The following TICAM2 variants were observed in gnomAD, a reference collection of about 807,000 sequenced individuals.
The protein encoded by TICAM2 is TIR domain containing adaptor molecule 2.
In TICAM2, 8 loss-of-function variants were observed where a neutral mutation model predicts 7.3. The ratio of observed to expected loss-of-function variants is 1.10; its 90% CI spans 0.65 to 1.99. The LOEUF is 1.99. Ranked by LOEUF, TICAM2 falls within the 30% of genes most tolerant of loss-of-function variation. TICAM2 has a pLI of 0.00. For missense variants in TICAM2, 304 were observed against 278.8 expected (o/e 1.09, Z -0.65); for synonymous variants, 113 against 99.6 (o/e 1.13, Z -0.80).
intron 1 of TICAM2, among the ~76,000 whole-genome samples, chr5:115,589,425 T>C (rs1234020116): frequency 6.6e-6 from 1 of 152,096 alleles, no homozygotes; most frequent in African/African-American, 2.4e-5. Flanking sequence ...ACAGAATGAG[T>C]TGAATTTGAA....
intron 1 of TICAM2, among the ~76,000 whole-genome samples, chr5:115,596,542 A>C (rs1051432631): frequency 4.6e-5 from 7 of 152,184 alleles, no homozygotes; most frequent in African/African-American, 1.7e-4. Context: ...AAAACCGGAC[A>C]ATCAGAGCCA....
intron 1 of TICAM2, among the ~76,000 whole-genome samples, chr5:115,599,386 G>C (rs1755631088): frequency 6.6e-6 from 1 of 152,080 alleles, no homozygotes; most frequent in Non-Finnish European, 1.5e-5. Flanking sequence ...AATGAAAACT[G>C]ATGGTAAAGG....
At chr5:115,588,772 T>C (rs1227878086) in intron 1 of TICAM2, among the ~76,000 whole-genome samples, 1 of 152,204 alleles carries the variant, frequency 6.6e-6, no homozygotes, top group Non-Finnish European at 1.5e-5. Context: ...AGGCAGAACA[T>C]GAAGCACCTG....
chr5:115,591,061 A>G (rs1038990726), intron 1 of TICAM2, among the ~76,000 whole-genome samples: 2 of 152,214 alleles, frequency 1.3e-5, no homozygotes, highest in Non-Finnish European at 2.9e-5. Context: ...GAAAAGCTAG[A>G]CAAAATAGAA....
At chr5:115,586,735 T>TA (rs1755120625) in intron 1 of TICAM2, among the ~76,000 whole-genome samples, 1 of 152,224 alleles carries the variant, frequency 6.6e-6, no homozygotes, top group African/African-American at 2.4e-5. Flanking sequence ...CAAATATATG[T>TA]AAAATCAAGA....
At chr5:115,592,164 C>CAA (rs537244310) in intron 1 of TICAM2, among the ~76,000 whole-genome samples, 39 of 152,170 alleles carry the variant, frequency 2.6e-4, no homozygotes, top group African/African-American at 8.7e-4. Flanking sequence ...AAAGAAAGCA[C>CAA]AAATAACCAA....
intron 1 of TICAM2, among the ~76,000 whole-genome samples, chr5:115,593,825 G>A (rs1755404348): frequency 6.6e-6 from 1 of 152,170 alleles, no homozygotes; most frequent in Non-Finnish European, 1.5e-5. Flanking sequence ...TAGACAAATT[G>A]CTAAAGGGAT....
Position 115,594,465 on chromosome 5 carries a change from T to C in TICAM2, c.-60+7632A>G, listed in dbSNP as rs932129487. On this transcript the variant is annotated intron_variant, in intron 1 of 1. Transcript: ENST00000427199. ...GTTTAAACGCCAAATAGCAGAGTTA[T>C]ACATTTTTTGCTAGTAGATCAGTCA... Among the ~76,000 whole-genome samples the C allele has an allele frequency of 2.6e-5, 4 of 152,378 alleles. No homozygotes were observed. The East Asian group carries it at 7.7e-4, about 29-fold the overall frequency.
At chr5:115,601,035 T>C (rs1755713509) in intron 1 of TICAM2, among the ~76,000 whole-genome samples, 1 of 152,250 alleles carries the variant, frequency 6.6e-6, no homozygotes, top group Non-Finnish European at 1.5e-5. Context: ...ACATGTCACA[T>C]TTACTTTGCT....
Position 115,597,501 on chromosome 5 carries a change from G to A in TICAM2, c.-60+4596C>T, listed in dbSNP as rs375605743. ...CGAATCCTATTAAACCATTAAAAAT[G>A]TTTATGAATGTTATGAACAATTTTA... On this transcript the variant is annotated intron_variant, in intron 1 of 1. Coordinates refer to ENST00000427199, the MANE Select transcript of TICAM2 (RefSeq NM_021649.7). Among the ~76,000 whole-genome samples the A allele has an allele frequency of 2.6e-5, 4 of 152,032 alleles. 1 individual carries two copies. The highest frequency in any genetic ancestry group is 3.9e-4 in the East Asian group (2 of 5,186).
chr5:115,595,175 G>C (rs1016826830), intron 1 of TICAM2, among the ~76,000 whole-genome samples: 1 of 152,086 alleles, frequency 6.6e-6, no homozygotes, highest in African/African-American at 2.4e-5. Context: ...ATAAGCACAG[G>C]GTAAATGGAC....
intron 1 of TICAM2, among the ~76,000 whole-genome samples, chr5:115,595,134 C>T (rs1755459961): frequency 6.6e-6 from 1 of 151,930 alleles, no homozygotes; most frequent in African/African-American, 2.4e-5. Context: ...CTGGGTCAAG[C>T]GAATAGTACC....
intron 1 of TICAM2, among the ~76,000 whole-genome samples, chr5:115,587,115 G>A (rs903532107): frequency 3.3e-5 from 5 of 152,148 alleles, no homozygotes; most frequent in African/African-American, 1.2e-4. Flanking sequence ...AGAAGAGGAA[G>A]GGAAAGAAGT....
rs1344208172 is a variant in TICAM2 at position 115,578,959 on chromosome 5, T to TA, written c.*1589dup. On this transcript the variant is annotated 3_prime_UTR_variant, in exon 2 of 2. Transcript: ENST00000427199. ...CTCATAGAACGTTTTGGTTCATGGCTATGAAGAGGTAACTGCAAAAAGATG... is the reference window on the plus strand; with the variant it reads ...CTCATAGAACGTTTTGGTTCATGGCTAATGAAGAGGTAACTGCAAAAAGATG... 6.6e-6 allele frequency: 1 copy of TA among 152,646 alleles called. No individual in the cohort carries two copies. The highest frequency in any genetic ancestry group is 1.5e-5 in the Non-Finnish European group (1 of 68,034). The allele number at this position is 152,646 out of a possible 1,614,324, so 9.5% of individuals were successfully genotyped here.
At chr5:115,597,903 T>C (rs1755573140) in intron 1 of TICAM2, among the ~76,000 whole-genome samples, 1 of 152,214 alleles carries the variant, frequency 6.6e-6, no homozygotes, top group Non-Finnish European at 1.5e-5. Context: ...ACCCATGTTG[T>C]TCATGGGCCA....
At chr5:115,594,999 C>G (rs980949448) in intron 1 of TICAM2, among the ~76,000 whole-genome samples, 3 of 152,058 alleles carry the variant, frequency 2.0e-5, no homozygotes, top group African/African-American at 7.2e-5. Flanking sequence ...GTTTGTAGCA[C>G]CCCTGACTCT....
chr5:115,591,436 T>C (rs960383941), intron 1 of TICAM2, among the ~76,000 whole-genome samples: 2 of 152,176 alleles, frequency 1.3e-5, no homozygotes, highest in Non-Finnish European at 2.9e-5. Flanking sequence ...TTAAATCCTC[T>C]CTGGAAGAAG....
intron 1 of TICAM2, among the ~76,000 whole-genome samples, chr5:115,592,602 A>G (rs1755349765): frequency 1.3e-5 from 2 of 152,224 alleles, no homozygotes; most frequent in Admixed American, 1.3e-4. Flanking sequence ...AAAAAATAAT[A>G]AAACTAGAAG....
chr5:115,592,147 C>T (rs1755332218), intron 1 of TICAM2, among the ~76,000 whole-genome samples: 1 of 152,044 alleles, frequency 6.6e-6, no homozygotes, highest in Admixed American at 6.5e-5. Flanking sequence ...GAGTCATATA[C>T]AAAGTAAAAG....
Sources: gnomAD v4.1 joint callset for allele counts (sites outside exome capture counted in the v4.1 genomes callset) on GRCh38, gnomAD v4.1.1 for gene constraint, MANE v1.5 for transcripts, NCBI Gene and HGNC (gene_info 2026-07-23, HGNC 2026-07-21) for gene names.